The following PCGF5 variants were observed in gnomAD, a reference collection of about 807,000 sequenced individuals.
PCGF5 encodes polycomb group ring finger 5, also known as polycomb group RING finger protein 5.
Under a neutral mutation model 44.3 loss-of-function variants are expected in PCGF5, and 9 were observed. That is an observed-to-expected ratio of 0.20 (90% CI 0.12 to 0.35). The LOEUF (loss-of-function observed/expected upper bound fraction) is 0.35. PCGF5 is among the 10% of genes least tolerant of loss of function. The pLI is 1.00. For synonymous variants in PCGF5, 95 were observed against 102.5 expected (o/e 0.93, Z 0.44); for missense variants, 146 against 305.3 (o/e 0.48, Z 3.89).
At chr10:91,271,555 C>T (rs1033275359) in intron 8 of PCGF5, 83 bp from the exon 9 acceptor site, 139 of 1,100,726 alleles carry the variant, frequency 1.3e-4, no homozygotes, top group East Asian at 3.1e-4. Context: ...TTGTGTTTGA[C>T]GTTAAACTAT....
At chr10:91,165,024 G>T (rs1049398299) in intron 1 of PCGF5, among the ~76,000 whole-genome samples, 1 of 152,176 alleles carries the variant, frequency 6.6e-6, no homozygotes, top group African/African-American at 2.4e-5. Flanking sequence ...TTGTTGAATC[G>T]TGAATGAATA....
chr10:91,178,281 G>T (rs1843749624), intron 1 of PCGF5, among the ~76,000 whole-genome samples: 1 of 152,134 alleles, frequency 6.6e-6, no homozygotes, highest in Non-Finnish European at 1.5e-5. Flanking sequence ...AAACATTTAA[G>T]AATATGCAAT....
At chr10:91,180,945 T>C (rs7096527) in intron 1 of PCGF5, among the ~76,000 whole-genome samples, 14,096 of 152,252 alleles carry the variant, frequency 0.093, 1,101 homozygotes, top group African/African-American at 0.21. Flanking sequence ...TTGGGCAGTA[T>C]GGCCATTTTC....
At chr10:91,183,602 G>A (rs991144443) in intron 1 of PCGF5, among the ~76,000 whole-genome samples, 4 of 152,258 alleles carry the variant, frequency 2.6e-5, no homozygotes, top group African/African-American at 7.2e-5. Flanking sequence ...ATCTGATCCT[G>A]TCATCATGAT....
At chr10:91,231,865 G>C (rs1007670488) in intron 2 of PCGF5, among the ~76,000 whole-genome samples, 1 of 152,184 alleles carries the variant, frequency 6.6e-6, no homozygotes, top group Non-Finnish European at 1.5e-5. Flanking sequence ...TCAGAATCTT[G>C]ATAGGTTTTG....
At chr10:91,228,512 ATTG>A (rs2133302740) in intron 2 of PCGF5, among the ~76,000 whole-genome samples, 1 of 152,292 alleles carries the variant, frequency 6.6e-6, no homozygotes, top group Non-Finnish European at 1.5e-5. Flanking sequence ...GCAAAAACAC[ATTG>A]TTATACTAAT....
At position 91,237,940 on chromosome 10, in the gene PCGF5, C is replaced by G. The variant is rs986422442; in HGVS notation, c.113-2544C>G. ...ATTCTGTCTCCATCTAGAATAGCAC[C>G]CTTTGGTAGAGATAAAATGTGAGCC... On this transcript the variant is annotated intron_variant, in intron 2 of 9. Coordinates refer to ENST00000336126, the MANE Select transcript of PCGF5 (RefSeq NM_032373.5). Among the ~76,000 whole-genome samples, 6 of 152,030 alleles carry G rather than the reference C, an allele frequency of 3.9e-5. No homozygotes were observed. The East Asian group carries it at 1.2e-3, about 29-fold the overall frequency.
chr10:91,196,851 C>T (rs1844143240), intron 1 of PCGF5, among the ~76,000 whole-genome samples: 2 of 152,124 alleles, frequency 1.3e-5, no homozygotes, highest in Non-Finnish European at 2.9e-5. Flanking sequence ...TCATCCCAGC[C>T]AGTGAAATCA....
At chr10:91,258,117 G>A (rs1349377703) in intron 6 of PCGF5, among the ~76,000 whole-genome samples, 1 of 152,226 alleles carries the variant, frequency 6.6e-6, no homozygotes, top group South Asian at 2.1e-4. Context: ...AAGTAGATTA[G>A]GGTTGTCAGG....
At chr10:91,250,732 A>C (rs147619762) in intron 5 of PCGF5, among the ~76,000 whole-genome samples, 1,909 of 151,902 alleles carry the variant, frequency 0.013, 48 homozygotes, top group African/African-American at 0.042. Flanking sequence ...CCATTGAGAT[A>C]TCTTTAATGG....
chr10:91,211,040 A>G (rs1589370306), intron 1 of PCGF5, among the ~76,000 whole-genome samples: 1 of 152,238 alleles, frequency 6.6e-6, no homozygotes, highest in East Asian at 1.9e-4. Flanking sequence ...CATTTGTTAA[A>G]TAAGTGGTCC....
intron 2 of PCGF5, among the ~76,000 whole-genome samples, chr10:91,226,895 G>T (rs1240130513): frequency 6.6e-6 from 1 of 151,892 alleles, no homozygotes; most frequent in African/African-American, 2.4e-5. Flanking sequence ...CCTTCAGTAG[G>T]CCAGGGACAT....
intron 6 of PCGF5, among the ~76,000 whole-genome samples, chr10:91,254,369 G>C (rs1326664271): frequency 6.6e-6 from 1 of 151,934 alleles, no homozygotes; most frequent in Non-Finnish European, 1.5e-5. Context: ...CTATGCTTCT[G>C]TCAAGACCCA....
At chr10:91,276,824 T>C (rs1846327637) in intron 9 of PCGF5, among the ~76,000 whole-genome samples, 1 of 152,128 alleles carries the variant, frequency 6.6e-6, no homozygotes, top group Non-Finnish European at 1.5e-5. Context: ...GCAGTTAGTA[T>C]AGTGAAGGGC....
Position 91,222,911 on chromosome 10 carries a change from C to G in PCGF5, c.40C>G (p.Pro14Ala). The G allele has an allele frequency of 1.2e-6, 2 of 1,613,596 alleles. No homozygotes were observed. The change falls in exon 2 of 10, where the codon CCT becomes GCT. Residue 14 changes from proline (P) to alanine (A), a missense_variant. By Grantham distance (27) the Pro-to-Ala change is conservative. Transcript: ENST00000336126. ...QRKHLVKDFN[P>A]YITCYICKGY... ...GAAACACTTGGTGAAAGATTTTAAT[C>G]CTTACATTACCTGCTATATCTGTAA...
At chr10:91,251,586 C>A in intron 6 of PCGF5, 146 bp downstream of exon 6, 1 of 825,666 alleles carries the variant, frequency 1.2e-6, no homozygotes, top group South Asian at 1.7e-5. Context: ...TTTGACAATC[C>A]TATGCTTAGA....
chr10:91,265,541 AC>A (rs1846030960), intron 8 of PCGF5, among the ~76,000 whole-genome samples: 1 of 151,658 alleles, frequency 6.6e-6, no homozygotes, highest in African/African-American at 2.4e-5. Context: ...ATAAAAAAAA[AC>A]AAAATTAAGA....
intron 3 of PCGF5, among the ~76,000 whole-genome samples, chr10:91,242,712 T>G (rs1381472586): frequency 2.0e-5 from 3 of 152,240 alleles, no homozygotes; most frequent in Non-Finnish European, 4.4e-5. Flanking sequence ...TTATCTCGTT[T>G]GCTTTATCAT....
chr10:91,173,022 A>G (rs563559299), intron 1 of PCGF5, among the ~76,000 whole-genome samples: 9 of 152,360 alleles, frequency 5.9e-5, no homozygotes, highest in African/African-American at 2.2e-4. Flanking sequence ...CTTACTAATC[A>G]ATAATAAGTG....
Sources: allele counts gnomAD v4.1 joint callset (sites outside exome capture counted in the v4.1 genomes callset), GRCh38; gene constraint gnomAD v4.1.1; transcripts MANE v1.5; gene names NCBI Gene and HGNC (gene_info 2026-07-23, HGNC 2026-07-21).